The following ARL15 variants were observed in gnomAD, a reference collection of about 807,000 sequenced individuals.
The protein encoded by ARL15 is ADP-ribosylation factor-like protein 15.
A neutral mutation model predicts 25.2 loss-of-function variants in ARL15; 19 were observed. That is an observed-to-expected ratio of 0.75 (90% CI 0.53 to 1.10). ARL15 has a LOEUF of 1.10. Among genes scored for constraint, ARL15 ranks in the 50% least tolerant of loss-of-function variants. The pLI is 0.00. For synonymous variants in ARL15, 94 were observed against 86.8 expected (o/e 1.08, Z -0.46); for missense variants, 220 against 246.0 (o/e 0.89, Z 0.71).
chr5:53,892,360 C>T (rs2111901863), intron 4 of ARL15, among the ~76,000 whole-genome samples: 1 of 152,214 alleles, frequency 6.6e-6, no homozygotes, highest in South Asian at 2.1e-4. Flanking sequence ...GATCTCAAAC[C>T]AAATACAAAA....
chr5:53,971,357 C>G (rs1404385804), intron 4 of ARL15, among the ~76,000 whole-genome samples: 2 of 151,942 alleles, frequency 1.3e-5, no homozygotes, highest in Non-Finnish European at 2.9e-5. Flanking sequence ...GTGGATTGTC[C>G]TAGGGGGTTT....
rs1006019923 is a variant in ARL15, at chr5:54,057,970, C to G, written c.462+55232G>C. ...ACACAGTGGTATTTTATCTCTGTCT[C>G]CACTAATTTACTGGTGCCTTTATTT... On this transcript the variant is annotated intron_variant, in intron 4 of 4. Transcript: ENST00000504924. Among the ~76,000 whole-genome samples the G allele has an allele frequency of 2.0e-5, 3 of 151,242 alleles. No homozygotes were observed. The Admixed American group carries it at 2.0e-4, about 10-fold the overall frequency.
intron 4 of ARL15, among the ~76,000 whole-genome samples, chr5:54,004,832 A>G (rs4311394): frequency 0.28 from 41,851 of 151,754 alleles, 5,972 homozygotes; most frequent in East Asian, 0.45. Flanking sequence ...GCTGAAGTTT[A>G]TTTCAATGAG....
intron 3 of ARL15, among the ~76,000 whole-genome samples, chr5:54,126,169 G>C (rs1448469988): frequency 6.6e-6 from 1 of 152,106 alleles, no homozygotes; most frequent in Non-Finnish European, 1.5e-5. Flanking sequence ...CTTTGGGAAA[G>C]TCTTTACTCA....
chr5:53,886,315 C>T lies in ARL15; in HGVS notation c.*246G>A, dbSNP rs866438459. On this transcript the variant is annotated 3_prime_UTR_variant, in exon 5 of 5. Transcript: ENST00000504924. ...TAGAACAACAGAAGGAAGAGACATGCGGGGAAGATAATTAGTGGTAAACAG... is the reference window on the plus strand; with the variant it reads ...TAGAACAACAGAAGGAAGAGACATGTGGGGAAGATAATTAGTGGTAAACAG... 17 of 396,302 alleles carry T rather than the reference C, an allele frequency of 4.3e-5. No individual in the cohort carries two copies. The highest frequency in any genetic ancestry group is 1.4e-4 in the East Asian group (3 of 21,304). 24.5% of individuals were successfully genotyped at this position (396,302 alleles called of 1,614,324 possible).
At chr5:54,205,038 G>A (rs980890750) in intron 1 of ARL15, among the ~76,000 whole-genome samples, 6 of 149,504 alleles carry the variant, frequency 4.0e-5, no homozygotes, top group African/African-American at 9.9e-5. Context: ...GGGTTCAAGC[G>A]ATTCTCCTGC....
At chr5:54,299,411 G>C (rs1203189855) in intron 1 of ARL15, among the ~76,000 whole-genome samples, 1 of 151,940 alleles carries the variant, frequency 6.6e-6, no homozygotes, top group Non-Finnish European at 1.5e-5. Flanking sequence ...TCAAATTCTG[G>C]CTCCACCATG....
chr5:53,976,802 A>G (rs1356349737), intron 4 of ARL15, among the ~76,000 whole-genome samples: 1 of 152,266 alleles, frequency 6.6e-6, no homozygotes, highest in Admixed American at 6.5e-5. Flanking sequence ...AGCTGGCAGT[A>G]TGTGAGTATC....
chr5:54,105,124 T>C lies in ARL15; in HGVS notation c.462+8078A>G, dbSNP rs1291572984. ...TTCAAAGTACCTTACTGACATTAAC[T>C]ATGTCTCTATTTTCAAATTAATTTA... On this transcript the variant is annotated intron_variant, in intron 4 of 4. Coordinates refer to ENST00000504924, the MANE Select transcript of ARL15 (RefSeq NM_019087.3). Among the ~76,000 whole-genome samples, 4 of 151,792 alleles carry C rather than the reference T, an allele frequency of 2.6e-5. No homozygotes were observed. In the East Asian group the frequency reaches 7.7e-4, roughly 29 times the overall value.
chr5:54,043,135 C>A (rs572088056), intron 4 of ARL15, among the ~76,000 whole-genome samples: 2 of 152,140 alleles, frequency 1.3e-5, no homozygotes, highest in Admixed American at 1.3e-4. Flanking sequence ...ACAAGCACAA[C>A]CTTCTCTGTT....
At chr5:53,908,926 G>A (rs1234659288) in intron 4 of ARL15, among the ~76,000 whole-genome samples, 4 of 152,138 alleles carry the variant, frequency 2.6e-5, no homozygotes, top group Non-Finnish European at 5.9e-5. Flanking sequence ...GACATCAGAT[G>A]GAAGATGACA....
At chr5:53,906,413 T>C (rs1013378919) in intron 4 of ARL15, among the ~76,000 whole-genome samples, 8 of 152,068 alleles carry the variant, frequency 5.3e-5, no homozygotes, top group African/African-American at 1.7e-4. Context: ...ATCACCAAGA[T>C]ATGGTTTACC....
intron 1 of ARL15, among the ~76,000 whole-genome samples, chr5:54,298,939 T>C (rs1758541727): frequency 6.6e-6 from 1 of 151,998 alleles, no homozygotes; most frequent in Non-Finnish European, 1.5e-5. Context: ...GGTCTTGTTC[T>C]GTCACCCAGG....
intron 4 of ARL15, among the ~76,000 whole-genome samples, chr5:54,071,523 C>CCA: frequency 8.5e-6 from 1 of 117,320 alleles, no homozygotes; most frequent in African/African-American, 2.8e-5. Context: ...CCCCCCCCCC[C>CCA]CCGCAAAGCC....
chr5:54,005,117 A>G (rs5013866), intron 4 of ARL15, among the ~76,000 whole-genome samples: 41,954 of 151,816 alleles, frequency 0.28, 6,027 homozygotes, highest in East Asian at 0.46. Context: ...CTCCCAAAGT[A>G]CTAGGATTAC....
Position 54,248,376 on chromosome 5 carries a change from G to A in ARL15, c.48+62056C>T, listed in dbSNP as rs191657559. Among the ~76,000 whole-genome samples the A allele has an allele frequency of 3.2e-3, 489 of 152,210 alleles. 5 individuals carry two copies. The highest frequency in any genetic ancestry group is 0.014 in the South Asian group (67 of 4,816). On this transcript the variant is annotated intron_variant, in intron 1 of 4. Transcript: ENST00000504924. ...TTCTCTTTCTCGGACTCACTCTCCT[G>A]CAACCATAGTTGGCCTCCTGGCTGT...
chr5:54,203,079 T>C (rs1755766178), intron 1 of ARL15, among the ~76,000 whole-genome samples: 1 of 152,134 alleles, frequency 6.6e-6, no homozygotes. Flanking sequence ...TTTAAAATAA[T>C]CCTAGCTTGT....
At chr5:53,936,083 G>GA (rs111918858) in intron 4 of ARL15, among the ~76,000 whole-genome samples, 24,118 of 151,356 alleles carry the variant, frequency 0.16, 2,210 homozygotes, top group African/African-American at 0.25. Context: ...GAAGAAAAAG[G>GA]AAAAAAAAGA....
intron 4 of ARL15, among the ~76,000 whole-genome samples, chr5:53,900,256 T>C (rs1229316356): frequency 6.6e-6 from 1 of 152,128 alleles, no homozygotes; most frequent in Non-Finnish European, 1.5e-5. Flanking sequence ...CATGAAGAAA[T>C]AGCCAAGAAA....
Sources: gnomAD v4.1 joint callset for allele counts (sites outside exome capture counted in the v4.1 genomes callset) on GRCh38, gnomAD v4.1.1 for gene constraint, MANE v1.5 for transcripts, NCBI Gene and HGNC (gene_info 2026-07-23, HGNC 2026-07-21) for gene names.